Variants in ABTB1 observed in about 807,000 individuals in gnomAD.
ABTB1 encodes the protein ankyrin repeat and BTB/POZ domain-containing protein 1.
Under a neutral mutation model 57.1 loss-of-function variants are expected in ABTB1, and 45 were observed. The ratio of observed to expected loss-of-function variants is 0.79; its 90% CI spans 0.62 to 1.01. The LOEUF is 1.01. Among genes scored for constraint, ABTB1 ranks in the 50% least tolerant of loss-of-function variants. The probability of loss-of-function intolerance (pLI) is 0.00; values close to 1 mark genes in which losing one functional copy is unlikely to be tolerated. For synonymous variants in ABTB1, 302 were observed against 275.4 expected, an observed-to-expected ratio of 1.10 and a Z score of -0.95; for missense variants, 630 against 666.3, an observed-to-expected ratio of 0.95 and a Z score of 0.60.
At chr3:127,674,644 CATGTGTGCGTGTGGGT>C in intron 3 of ABTB1, 44 bp downstream of exon 3, 1 of 1,611,036 alleles carries the variant, frequency 6.2e-7, no homozygotes, top group Non-Finnish European at 8.5e-7. Flanking sequence ...TGGGTGCATG[CATGTGTGCGTGTGGGT>C]GCATGCATGC....
In ABTB1 at chr3:127,679,409, T is replaced by C. The variant is rs1378856749; in HGVS notation, c.1030-576T>C. 2.8e-5 allele frequency: 11 copies of C among 397,024 alleles called. No homozygotes were observed. The East Asian group carries it at 3.7e-4, about 13-fold the overall frequency. 24.6% of individuals were successfully genotyped at this position (397,024 alleles called of 1,614,324 possible). ...TCCCTGTGCCACCCAGGCTCTGGCC[T>C]GAATCTGAGGGCTTCAGTCTTATCC... On this transcript the variant is annotated intron_variant, in intron 10 of 11. Transcript: ENST00000232744.
chr3:127,680,913 C>T lies in ABTB1; in HGVS notation c.*438C>T. 1 of 515,776 alleles carries T rather than the reference C, an allele frequency of 1.9e-6. No homozygotes were observed. The highest frequency in any genetic ancestry group is 3.4e-6 in the Non-Finnish European group (1 of 293,204). The allele number at this position is 515,776 out of a possible 1,614,324, so 31.9% of individuals were successfully genotyped here. On this transcript the variant is annotated 3_prime_UTR_variant, in exon 12 of 12. Transcript: ENST00000232744. ...TGTGTGGCAATAAAGCTTGAAGGCA[C>T]CGTGGGAGCATGAGCCTGTGTCCTG...
At chr3:127,679,328 G>A (rs1487747003) in intron 10 of ABTB1, 2 of 344,686 alleles carry the variant, frequency 5.8e-6, no homozygotes, top group Non-Finnish European at 1.2e-5. Flanking sequence ...CATGGCACAT[G>A]GCACATGGCT....
In ABTB1 at chr3:127,680,527, G is replaced by A. The variant is rs1413524336; in HGVS notation, c.*52G>A. The A allele has an allele frequency of 1.3e-6, 2 of 1,585,042 alleles. No individual in the cohort carries two copies. Among genetic ancestry groups the A allele is most frequent in the Non-Finnish European group, 8.6e-7 (1 of 1,168,448 alleles). ...CAGGAGCTCTCTTGGAGACAAGCAT[G>A]TGTATGCGTTTGTGTGCAGCTCTTC... On this transcript the variant is annotated 3_prime_UTR_variant, in exon 12 of 12. Transcript: ENST00000232744.
At chr3:127,675,365 TC>T (rs1401029538) in intron 3 of ABTB1, 1 of 152,558 alleles carries the variant, frequency 6.6e-6, no homozygotes, top group African/African-American at 2.5e-5. Context: ...CCTCCCAGGC[TC>T]AAGTGATCCT....
At position 127,680,493 on chromosome 3, in the gene ABTB1, C is replaced by T. The variant is rs770014527; in HGVS notation, c.*18C>T. On this transcript the variant is annotated 3_prime_UTR_variant, in exon 12 of 12. Coordinates refer to ENST00000232744, the MANE Select transcript of ABTB1 (RefSeq NM_172027.3). ...ACTGTTGAGCCCCTGGCTGGGCAGC[C>T]CCAGGGGCCAGGAGCTCTCTTGGAG... 6.9e-6 allele frequency: 11 copies of T among 1,596,954 alleles called. No homozygotes were observed. The highest frequency in any genetic ancestry group is 1.6e-4 in the Middle Eastern group (1 of 6,076).
In ABTB1 at chr3:127,676,786, GC is replaced by G; in HGVS notation, c.527-178del. 1.2e-6 allele frequency: 1 copy of G among 828,550 alleles called. No homozygotes were observed. The highest frequency in any genetic ancestry group is 1.9e-6 in the Non-Finnish European group (1 of 534,864). 51.3% of individuals were successfully genotyped at this position (828,550 alleles called of 1,614,324 possible). ...GAGCTTGTCCCACCCACATGCTGAG[GC>G]CCTCCCATCTGTTCCCTGGGGCCTG... On this transcript the variant is annotated intron_variant, in intron 6 of 11. Transcript: ENST00000232744. This position sits in a 1 kb window ranked among gnomAD's most constrained non-coding sequence, Gnocchi z 5.4.
rs1255114937 is a variant in ABTB1, at chr3:127,677,647, T to C, written c.862-29T>C. 24 of 1,612,058 alleles carry C rather than the reference T, an allele frequency of 1.5e-5. No individual in the cohort carries two copies. The Admixed American group carries it at 3.5e-4, about 24-fold the overall frequency. On this transcript the variant is annotated intron_variant, in intron 9 of 11. Transcript: ENST00000232744. ...CTCCTCAGGAGACAGACCCTGGCCC[T>C]CACACTTCCTGAGCCCGGCCTCCCC... is the stretch of plus-strand genomic sequence containing the variant.
rs895090318 is a variant in ABTB1 at position 127,679,326 on chromosome 3, A to G, written c.1030-659A>G. 12 of 344,206 alleles carry G rather than the reference A, an allele frequency of 3.5e-5. No homozygotes were observed. In the Admixed American group the frequency reaches 4.6e-4, roughly 13 times the overall value. 21.3% of individuals were successfully genotyped at this position (344,206 alleles called of 1,614,324 possible). On this transcript the variant is annotated intron_variant, in intron 10 of 11. Transcript: ENST00000232744. ...CCAGGTAAAGGAGGTGGCATGGCAC[A>G]TGGCACATGGCTTGTAATGTGGTCG...
chr3:127,678,064 A>G (rs2075029829), intron 10 of ABTB1: 1 of 507,978 alleles, frequency 2.0e-6, no homozygotes. Context: ...CCTGTGTCAC[A>G]GACACTCCAC....
Position 127,677,150 on chromosome 3 carries a change from G to C in ABTB1, c.644-18G>C. 1 of 1,613,386 alleles carries C rather than the reference G, an allele frequency of 6.2e-7. No homozygotes were observed. Among genetic ancestry groups the C allele is most frequent in the Middle Eastern group, 1.7e-4 (1 of 6,058 alleles). On this transcript the variant is annotated intron_variant, in intron 7 of 11. Coordinates refer to ENST00000232744, the MANE Select transcript of ABTB1 (RefSeq NM_172027.3). ...GGCAGGGCTGGCCTGGCTCCCTGAA[G>C]TTGTTCTTCCCCTGTAGTGGCGTCT...
chr3:127,677,798 C>A lies in ABTB1; in HGVS notation c.984C>A (p.Asp328Glu), dbSNP rs778320415. ...PAVTLHGISP[D>E]VFTHVLYYMY... ...TCACCCTGCATGGCATCTCACCCGA[C>A]GTCTTCACTCACGTGCTCTACTACA... The change falls in exon 10 of 12, where the codon GAC (aspartate) becomes GAA (glutamate). Residue 328 changes from aspartate to glutamate, a missense_variant. By Grantham distance (45) the Asp-to-Glu change is conservative (BLOSUM62 2). Transcript: ENST00000232744. 1.2e-6 allele frequency: 2 copies of A among 1,612,574 alleles called. No homozygotes were observed. The highest frequency in any genetic ancestry group is 2.7e-5 in the African/African-American group (2 of 74,900).
At chr3:127,673,957 C>T (rs972223509) in intron 1 of ABTB1, among the ~76,000 whole-genome samples, 6 of 152,236 alleles carry the variant, frequency 3.9e-5, no homozygotes, top group Admixed American at 3.9e-4. Flanking sequence ...CGACTCCTGC[C>T]TCCTAGAATT....
Position 127,680,075 on chromosome 3 carries a change from C to A in ABTB1, c.1120C>A (p.Gln374Lys). ...GAGGCTGTGCGGCCGCAGCCTGGCTCAGATGCTAGACGAGGACACTGTGGT... is the reference window on the plus strand; with the variant it reads ...GAGGCTGTGCGGCCGCAGCCTGGCTAAGATGCTAGACGAGGACACTGTGGT... ...LKRLCGRSLA[Q>K]MLDEDTVVGV... The change falls in exon 11 of 12, where the codon CAG (glutamine) becomes AAG (lysine). Residue 374 changes from glutamine to lysine, a missense_variant. Coordinates refer to ENST00000232744, the MANE Select transcript of ABTB1 (RefSeq NM_172027.3). 1.2e-6 allele frequency: 2 copies of A among 1,613,870 alleles called. No individual in the cohort carries two copies. Among genetic ancestry groups the A allele is most frequent in the East Asian group, 4.5e-5 (2 of 44,888 alleles).
At position 127,676,973 on chromosome 3, in the gene ABTB1, T is replaced by C. The variant is rs1169589501; in HGVS notation, c.533T>C (p.Leu178Pro). 1 of 1,613,618 alleles carries C rather than the reference T, an allele frequency of 6.2e-7. No homozygotes were observed. The highest frequency in any genetic ancestry group is 1.1e-5 in the South Asian group (1 of 91,034). Reference protein sequence around the residue: ...ALLQYLYTGRLDIGVEHVSDC... With the variant: ...ALLQYLYTGRPDIGVEHVSDC... ...TCCTCCCCACTGCCCCCAGGCCGCC[T>C]GGACATTGGCGTAGAGCATGTGAGT... Residue 178 changes from leucine to proline, a missense_variant, in exon 7 of 12, where the codon CTG becomes CCG. Transcript: ENST00000232744. The surrounding 1 kb of genome is among the most constrained non-coding windows in gnomAD (Gnocchi z 5.4).
rs772031165 is a variant in ABTB1 at position 127,676,053 on chromosome 3, G to A, written c.259G>A (p.Asp87Asn). Residue 87 changes from aspartate (D) to asparagine (N), a missense_variant, in exon 4 of 12, where the codon GAT becomes AAT. Physicochemically the swap from Asp to Asn is conservative, Grantham distance 23 (BLOSUM62 1). Transcript: ENST00000232744. This position sits in a 1 kb window ranked among gnomAD's most constrained non-coding sequence, Gnocchi z 5.4. Reference protein sequence around the residue: ...LSDPIRRALRDYKQVTASCRR... With the variant: ...LSDPIRRALRNYKQVTASCRR... ...TGACCCCATCCGCCGGGCTCTACGC[G>A]ATTACAAGCAGGTCACGGCTTCCTG... 1.5e-5 allele frequency: 25 copies of A among 1,613,194 alleles called. No individual in the cohort carries two copies. The highest frequency in any genetic ancestry group is 3.4e-4 in the Middle Eastern group (2 of 5,938).
Position 127,676,665 on chromosome 3 carries a change from C to T in ABTB1, c.526+84C>T. 6.4e-7 allele frequency: 1 copy of T among 1,550,504 alleles called. No individual in the cohort carries two copies. ...TACACCTAGGTGTGGCTGGGCTGACCTTTCACCTCTAGACACTTCATGGTC... is the reference window on the plus strand; with the variant it reads ...TACACCTAGGTGTGGCTGGGCTGACTTTTCACCTCTAGACACTTCATGGTC... On this transcript the variant is annotated intron_variant, in intron 6 of 11. Coordinates refer to ENST00000232744, the MANE Select transcript of ABTB1 (RefSeq NM_172027.3). This position sits in a 1 kb window ranked among gnomAD's most constrained non-coding sequence, Gnocchi z 5.4.
rs1243512533 is a variant in ABTB1, at chr3:127,675,950, G to A, written c.176-20G>A. On this transcript the variant is annotated intron_variant, in intron 3 of 11. Coordinates refer to ENST00000232744, the MANE Select transcript of ABTB1 (RefSeq NM_172027.3). Reference sequence around the variant, plus strand: ...CCCCAGGCCCCTTCCCTGCTAACTGGTGAGCCCTGCCTCCCCCAGGAGCCC... The same window carrying A: ...CCCCAGGCCCCTTCCCTGCTAACTGATGAGCCCTGCCTCCCCCAGGAGCCC... 9.4e-6 allele frequency: 15 copies of A among 1,597,294 alleles called. No homozygotes were observed. The highest frequency in any genetic ancestry group is 1.3e-5 in the Non-Finnish European group (15 of 1,167,708).
chr3:127,673,179 GCGCCT>G (rs961555509), intron 1 of ABTB1, 98 bp downstream of exon 1: 9 of 1,280,378 alleles, frequency 7.0e-6, no homozygotes, highest in African/African-American at 1.6e-5. Flanking sequence ...GGAGAGGCGG[GCGCCT>G]CTGCCGGGTC....
Sources: gnomAD v4.1 joint callset for allele counts (sites outside exome capture counted in the v4.1 genomes callset) on GRCh38, gnomAD v4.1.1 for gene constraint, Gnocchi (gnomAD v3.1) non-coding constraint, MANE v1.5 for transcripts, NCBI Gene and HGNC (gene_info 2026-07-23, HGNC 2026-07-21) for gene names.